DNAH11: variants seen among roughly 807,000 people sequenced by gnomAD.
The protein encoded by DNAH11 is dynein axonemal heavy chain 11.
Under a neutral mutation model 526.0 loss-of-function variants are expected in DNAH11, and 442 were observed. That is an observed-to-expected ratio of 0.84 (90% CI 0.78 to 0.91). DNAH11 has a LOEUF of 0.91. DNAH11 is among the 40% of genes least tolerant of loss of function. The pLI is 0.00. For synonymous variants in DNAH11, 2,461 were observed against 1,935.9 expected (o/e 1.27, Z -7.12); for missense variants, 6,989 against 5,448.7 (o/e 1.28, Z -8.90).
At chr7:21,569,953 T>G in intron 6 of DNAH11, 116 bp from the exon 7 acceptor site, 1 of 789,504 alleles carries the variant, frequency 1.3e-6, no homozygotes, top group African/African-American at 1.8e-5. Flanking sequence ...TCTTTCAGCA[T>G]TGCTGGCCCA....
At chr7:21,821,162 C>T (rs1164437441) in intron 65 of DNAH11, among the ~76,000 whole-genome samples, 1 of 152,036 alleles carries the variant, frequency 6.6e-6, no homozygotes, top group Non-Finnish European at 1.5e-5. Context: ...TGATACTGTG[C>T]TTTATGGAGA....
intron 65 of DNAH11, among the ~76,000 whole-genome samples, chr7:21,834,945 C>A (rs1012848838): frequency 3.9e-5 from 6 of 152,058 alleles, no homozygotes; most frequent in Non-Finnish European, 8.8e-5. Context: ...AAAAACAAAA[C>A]ATAACTGATA....
intron 54 of DNAH11, among the ~76,000 whole-genome samples, chr7:21,758,762 A>G (rs1420183143): frequency 1.3e-5 from 2 of 152,250 alleles, no homozygotes; most frequent in African/African-American, 2.4e-5. Context: ...GAGTAAGAAC[A>G]TCACTGTACG....
chr7:21,606,816 T>G, intron 20 of DNAH11, 83 bp downstream of exon 20: 1 of 1,191,100 alleles, frequency 8.4e-7, no homozygotes, highest in South Asian at 1.4e-5. Flanking sequence ...ACTGCCACAT[T>G]TTGTCTTTGT....
rs72657364 is a variant in DNAH11 at position 21,742,035 on chromosome 7, A to C, written c.8023A>C (p.Ile2675Leu). 3 of 1,613,914 alleles carry C rather than the reference A, an allele frequency of 1.9e-6. No homozygotes were observed. The highest frequency in any genetic ancestry group is 2.5e-6 in the Non-Finnish European group (3 of 1,179,846). ...HFQQQAFAPS[I>L]LRSGPTLIQA... ...CCAACAGCAAGCATTTGCTCCATCAATTCTCAGGAGTGGCCCCACTTTGAT... is the reference window on the plus strand; with the variant it reads ...CCAACAGCAAGCATTTGCTCCATCACTTCTCAGGAGTGGCCCCACTTTGAT... The change falls in exon 49 of 82, where the codon ATT becomes CTT. Residue 2675 changes from isoleucine (I) to leucine (L), a missense_variant. Physicochemically the swap from Ile to Leu is conservative, Grantham distance 5. Coordinates refer to ENST00000409508, the MANE Select transcript of DNAH11 (RefSeq NM_001277115.2).
intron 40 of DNAH11, among the ~76,000 whole-genome samples, chr7:21,709,984 T>G (rs1784402181): frequency 6.6e-6 from 1 of 152,226 alleles, no homozygotes; most frequent in Non-Finnish European, 1.5e-5. Flanking sequence ...AGTGCTTAGA[T>G]ATGTAGTAAT....
At chr7:21,606,582 A>G (rs373943861) in intron 19 of DNAH11, 40 bp downstream of exon 19, 20 of 1,555,556 alleles carry the variant, frequency 1.3e-5, no homozygotes, top group Non-Finnish European at 1.7e-5. Context: ...GAAAGGTTTT[A>G]CTAGGATAAT....
At chr7:21,553,104 T>C (rs542221999) in intron 2 of DNAH11, among the ~76,000 whole-genome samples, 2 of 141,056 alleles carry the variant, frequency 1.4e-5, no homozygotes, top group African/African-American at 5.8e-5. Flanking sequence ...TGCAAACTAC[T>C]TCTCTTGGTT....
At chr7:21,589,102 G>A (rs941159331) in intron 11 of DNAH11, 106 bp from the exon 12 acceptor site, 7 of 847,750 alleles carry the variant, frequency 8.3e-6, no homozygotes, top group African/African-American at 1.8e-5. Flanking sequence ...TCTCTTCCTG[G>A]TTGTTTATAG....
At chr7:21,605,685 C>T (rs1036106240) in intron 18 of DNAH11, among the ~76,000 whole-genome samples, 8 of 152,324 alleles carry the variant, frequency 5.3e-5, no homozygotes, top group Admixed American at 5.2e-4. Context: ...CATTTTCATC[C>T]TTGCCCCAGC....
chr7:21,569,099 G>A (rs73682623), intron 6 of DNAH11, among the ~76,000 whole-genome samples: 202 of 152,252 alleles, frequency 1.3e-3, no homozygotes, highest in African/African-American at 4.5e-3. Context: ...CAAATTCATG[G>A]CACAGAGCCT....
rs528910292 is a variant in DNAH11 at position 21,748,815 on chromosome 7, G to C, written c.8673+73G>C. ...TAAAGCCGAGGCTCCTAGTGCGCCC[G>C]TGTGGGCTGTGACTCCCAGATTTGG... On this transcript the variant is annotated intron_variant, in intron 52 of 81. Transcript: ENST00000409508. The C allele has an allele frequency of 2.5e-5, 36 of 1,459,468 alleles. No individual in the cohort carries two copies. In the African/African-American group the frequency reaches 3.1e-4, roughly 13 times the overall value. 90.4% of individuals were successfully genotyped at this position (1,459,468 alleles called of 1,614,324 possible). A position where few individuals can be genotyped will look rare whatever the true frequency, so the allele number is the denominator to read the frequency against.
At chr7:21,731,767 C>T (rs1334889088) in intron 45 of DNAH11, among the ~76,000 whole-genome samples, 1 of 152,100 alleles carries the variant, frequency 6.6e-6, no homozygotes, top group Non-Finnish European at 1.5e-5. Flanking sequence ...TCTCATGCCG[C>T]CCCACTTTAT....
At chr7:21,706,417 C>T (rs1384826755) in intron 39 of DNAH11, among the ~76,000 whole-genome samples, 1 of 151,448 alleles carries the variant, frequency 6.6e-6, no homozygotes, top group African/African-American at 2.4e-5. Context: ...TGGAACTTGC[C>T]AGTATTTAGA....
intron 43 of DNAH11, among the ~76,000 whole-genome samples, chr7:21,720,428 CTT>C (rs35946379): frequency 1.7e-4 from 24 of 141,012 alleles, no homozygotes; most frequent in East Asian, 1.4e-3. Flanking sequence ...AATATGTACC[CTT>C]TTTTTTTTTT....
intron 1 of DNAH11, among the ~76,000 whole-genome samples, chr7:21,544,259 A>T (rs1420562575): frequency 6.6e-6 from 1 of 152,214 alleles, no homozygotes; most frequent in Non-Finnish European, 1.5e-5. Flanking sequence ...TTGGAGCAAG[A>T]TTCACAATTT....
chr7:21,719,443 AAC>A (rs1458565702), intron 43 of DNAH11, among the ~76,000 whole-genome samples: 1 of 152,222 alleles, frequency 6.6e-6, no homozygotes, highest in Non-Finnish European at 1.5e-5. Flanking sequence ...AAATAGAAGA[AAC>A]ACATGGCCGT....
chr7:21,677,080 C>T lies in DNAH11; in HGVS notation c.5329-4466C>T, dbSNP rs539099780. The stretch of plus-strand genomic sequence containing the variant: ...GATGATGAGCAGTGAACATATTAGA[C>T]ATAAAACAATAATCACATCTGCTTT... On this transcript the variant is annotated intron_variant, in intron 30 of 81. Transcript: ENST00000409508. 2.7e-4 allele frequency among the ~76,000 whole-genome samples: 41 copies of T among 152,176 alleles called. No homozygotes were observed. The South Asian group carries it at 4.2e-3, about 15-fold the overall frequency.
chr7:21,806,113 A>T (rs913197032), intron 62 of DNAH11, among the ~76,000 whole-genome samples: 1 of 152,198 alleles, frequency 6.6e-6, no homozygotes, highest in Non-Finnish European at 1.5e-5. Context: ...TTATTACAGG[A>T]CATGTTCCAA....
Sources: allele counts gnomAD v4.1 joint callset (sites outside exome capture counted in the v4.1 genomes callset), GRCh38; gene constraint gnomAD v4.1.1; transcripts MANE v1.5; gene names NCBI Gene and HGNC (gene_info 2026-07-23, HGNC 2026-07-21).